PHF24: variants seen among roughly 807,000 people sequenced by gnomAD.
The protein encoded by PHF24 is PHD finger protein 24, also known as Galpha inhibitory interacting protein.
PHF24 carries 25 observed loss-of-function variants against 42.6 expected under a neutral mutation model. That is an observed-to-expected ratio of 0.59 (90% CI 0.43 to 0.82). PHF24 has a LOEUF of 0.82. Among genes scored for constraint, PHF24 ranks in the 40% least tolerant of loss-of-function variants. The pLI, the probability that PHF24 is intolerant of heterozygous loss-of-function variation, is 0.00. For synonymous variants in PHF24, 185 were observed against 204.8 expected, an observed-to-expected ratio of 0.90 and a Z score of 0.83; for missense variants, 470 against 538.1, an observed-to-expected ratio of 0.87 and a Z score of 1.25.
chr9:34,931,115 C>G, the PHF24 span, among the ~76,000 whole-genome samples: 1 of 151,978 alleles, frequency 6.6e-6, no homozygotes, highest in Non-Finnish European at 1.5e-5. Flanking sequence ...CGGTGGCTCA[C>G]GCCTGTAATC....
the PHF24 span, among the ~76,000 whole-genome samples, chr9:34,716,385 C>T: frequency 6.6e-6 from 1 of 152,032 alleles, no homozygotes; most frequent in Non-Finnish European, 1.5e-5. Context: ...TAGAAACAGG[C>T]GTATCTTAGA....
At chr9:34,946,311 C>T in the PHF24 span, among the ~76,000 whole-genome samples, 1 of 152,196 alleles carries the variant, frequency 6.6e-6, no homozygotes, top group Non-Finnish European at 1.5e-5. Context: ...TTAGAAGCTA[C>T]CTCCTTAATG....
the PHF24 span, among the ~76,000 whole-genome samples, chr9:34,873,128 T>C: frequency 3.3e-5 from 5 of 149,878 alleles, no homozygotes; most frequent in African/African-American, 9.8e-5. Flanking sequence ...GAGTAGGTTG[T>C]GAAAATTTTC....
chr9:34,828,931 A>ATCTATATCTATATCTATATCTATG, the PHF24 span, among the ~76,000 whole-genome samples: 1 of 151,888 alleles, frequency 6.6e-6, no homozygotes, highest in African/African-American at 2.4e-5. Context: ...CTATATCTAT[A>ATCTATATCTATATCTATATCTATG]TCTATATCTA....
At chr9:34,744,559 A>ACT in the PHF24 span, among the ~76,000 whole-genome samples, 4 of 152,210 alleles carry the variant, frequency 2.6e-5, no homozygotes, top group African/African-American at 9.6e-5. Flanking sequence ...ATATTGTGCC[A>ACT]AAATATTTTA....
the PHF24 span, among the ~76,000 whole-genome samples, chr9:34,722,521 C>T: frequency 6.6e-6 from 1 of 152,266 alleles, no homozygotes; most frequent in Non-Finnish European, 1.5e-5. Context: ...AGACTGTCGA[C>T]CCCATGGGAT....
chr9:34,893,469 C>T, the PHF24 span, among the ~76,000 whole-genome samples: 1 of 151,394 alleles, frequency 6.6e-6, no homozygotes, highest in African/African-American at 2.4e-5. Flanking sequence ...GGCATGGTGG[C>T]GTATGCCTGT....
chr9:34,948,649 G>A, the PHF24 span, among the ~76,000 whole-genome samples: 1 of 152,118 alleles, frequency 6.6e-6, no homozygotes, highest in Non-Finnish European at 1.5e-5. Context: ...GGTGTGTAGT[G>A]GGCTATATCA....
chr9:34,745,713 C>T, the PHF24 span, among the ~76,000 whole-genome samples: 1 of 148,774 alleles, frequency 6.7e-6, no homozygotes, highest in East Asian at 2.1e-4. Context: ...CACAACTTTA[C>T]CCCCCTAACA....
chr9:34,733,794 T>C, the PHF24 span, among the ~76,000 whole-genome samples: 1 of 152,180 alleles, frequency 6.6e-6, no homozygotes, highest in Non-Finnish European at 1.5e-5. Context: ...TGTACTACTG[T>C]GCCCGGCCAT....
the PHF24 span, chr9:34,689,636 G>A: frequency 1.5e-6 from 1 of 674,262 alleles, no homozygotes. This position sits in a 1 kb window ranked among gnomAD's most constrained non-coding sequence, Gnocchi z 4.1. Context: ...GCTTTACTCT[G>A]ACCACACTCA....
chr9:34,886,520 A>T, the PHF24 span, among the ~76,000 whole-genome samples: 1 of 152,150 alleles, frequency 6.6e-6, no homozygotes, highest in South Asian at 2.1e-4. Flanking sequence ...TCCATTGGTC[A>T]CCTTCTCCTT....
At chr9:34,884,027 A>G in the PHF24 span, among the ~76,000 whole-genome samples, 1 of 152,238 alleles carries the variant, frequency 6.6e-6, no homozygotes, top group Non-Finnish European at 1.5e-5. Context: ...ATGGAATACT[A>G]TGCAGTCATA....
At chr9:34,781,893 A>G in the PHF24 span, among the ~76,000 whole-genome samples, 1 of 152,226 alleles carries the variant, frequency 6.6e-6, no homozygotes, top group Non-Finnish European at 1.5e-5. Context: ...TATTTCTATT[A>G]TTAATGTGAC....
chr9:34,970,311 G>A (rs566702623), intron 1 of PHF24, among the ~76,000 whole-genome samples: 2 of 152,288 alleles, frequency 1.3e-5, no homozygotes, highest in East Asian at 3.9e-4. Flanking sequence ...TAAAGGATAT[G>A]GACCTTTCTT....
the PHF24 span, among the ~76,000 whole-genome samples, chr9:34,694,893 C>T: frequency 2.0e-5 from 3 of 152,334 alleles, no homozygotes; most frequent in South Asian, 6.2e-4. Context: ...TTATTAAAAT[C>T]TTTCCAGTTA....
At chr9:34,956,605 G>A (rs527460996), upstream of PHF24, among the ~76,000 whole-genome samples, 1 of 152,340 alleles carries the variant, frequency 6.6e-6, no homozygotes, top group East Asian at 1.9e-4. Flanking sequence ...AGATTTATAT[G>A]ATGATGTTAC....
At chr9:34,841,722 G>A in the PHF24 span, among the ~76,000 whole-genome samples, 4 of 152,230 alleles carry the variant, frequency 2.6e-5, no homozygotes, top group Middle Eastern at 3.4e-3. Context: ...GCCAGGAGTG[G>A]TGGCAGCCGC....
the PHF24 span, among the ~76,000 whole-genome samples, chr9:34,950,579 A>G: frequency 6.6e-6 from 1 of 152,142 alleles, no homozygotes; most frequent in South Asian, 2.1e-4. Context: ...GGGAATGTTT[A>G]TATCAATAAA....
Sources: gnomAD v4.1 joint callset for allele counts (sites outside exome capture counted in the v4.1 genomes callset) on GRCh38, gnomAD v4.1.1 for gene constraint, Gnocchi (gnomAD v3.1) non-coding constraint, MANE v1.5 for transcripts, NCBI Gene and HGNC (gene_info 2026-07-23, HGNC 2026-07-21) for gene names.